Variants in SCHIP1 observed in about 807,000 individuals in gnomAD.
The protein encoded by SCHIP1 is schwannomin interacting protein 1.
A neutral mutation model predicts 29.7 loss-of-function variants in SCHIP1; 8 were observed. The observed-to-expected ratio is 0.27, with a 90% CI of 0.16 to 0.49. The LOEUF (loss-of-function observed/expected upper bound fraction) is 0.49. Ranked by LOEUF, SCHIP1 falls within the 20% of genes least tolerant of loss-of-function variation. The pLI is 0.99. For missense variants in SCHIP1, 193 were observed against 294.6 expected, an observed-to-expected ratio of 0.66 and a Z score of 2.52; for synonymous variants, 76 against 94.9, an observed-to-expected ratio of 0.80 and a Z score of 1.16.
chr3:159,505,273 C>T, the SCHIP1 span, among the ~76,000 whole-genome samples: 587 of 152,132 alleles, frequency 3.9e-3, 3 homozygotes, highest in African/African-American at 0.013. Context: ...TATCTATCTA[C>T]CAAAATTAAT....
the SCHIP1 span, among the ~76,000 whole-genome samples, chr3:159,442,196 C>A: frequency 6.6e-6 from 1 of 152,140 alleles, no homozygotes. Flanking sequence ...AAGAAACAGA[C>A]TCTAGGTTGA....
the SCHIP1 span, among the ~76,000 whole-genome samples, chr3:159,701,253 G>A: frequency 1.3e-5 from 2 of 152,198 alleles, no homozygotes; most frequent in African/African-American, 4.8e-5. Flanking sequence ...CATTATGAGT[G>A]TATGTGCATC....
At chr3:159,326,225 T>C in the SCHIP1 span, among the ~76,000 whole-genome samples, 1 of 152,166 alleles carries the variant, frequency 6.6e-6, no homozygotes, top group Non-Finnish European at 1.5e-5. Flanking sequence ...CCATTCCTTC[T>C]TGTGAAAATG....
the SCHIP1 span, among the ~76,000 whole-genome samples, chr3:159,734,025 A>T: frequency 6.6e-6 from 1 of 152,164 alleles, no homozygotes; most frequent in Non-Finnish European, 1.5e-5. Context: ...TCCAGAAAGC[A>T]GTGTCAAATA....
chr3:159,821,196 T>C, the SCHIP1 span, among the ~76,000 whole-genome samples: 2 of 152,062 alleles, frequency 1.3e-5, no homozygotes, highest in Non-Finnish European at 1.5e-5. Context: ...TTTAGGATGG[T>C]GTAGCATGGT....
At chr3:159,324,584 A>G in the SCHIP1 span, among the ~76,000 whole-genome samples, 3 of 152,142 alleles carry the variant, frequency 2.0e-5, no homozygotes, top group Non-Finnish European at 4.4e-5. Context: ...TATTGATAAC[A>G]GAGTAAGTCT....
chr3:159,298,266 C>A, the SCHIP1 span, among the ~76,000 whole-genome samples: 63 of 152,170 alleles, frequency 4.1e-4, no homozygotes, highest in African/African-American at 1.5e-3. Context: ...CCAGAAGATT[C>A]CTGCCTTTGC....
the SCHIP1 span, among the ~76,000 whole-genome samples, chr3:159,485,369 T>C: frequency 1.3e-5 from 2 of 152,166 alleles, no homozygotes; most frequent in South Asian, 4.1e-4. Context: ...AGTACCAGGC[T>C]TATTAAGTAA....
the SCHIP1 span, among the ~76,000 whole-genome samples, chr3:159,743,586 T>C: frequency 6.6e-6 from 1 of 152,336 alleles, no homozygotes; most frequent in African/African-American, 2.4e-5. Flanking sequence ...TAAAATTGAA[T>C]TTCCTTTTAT....
the SCHIP1 span, among the ~76,000 whole-genome samples, chr3:159,668,625 A>C: frequency 2.7e-3 from 417 of 152,252 alleles, 1 homozygote; most frequent in African/African-American, 9.0e-3. Flanking sequence ...GACCTGGCAC[A>C]CTGGGCCTCT....
At chr3:159,589,425 C>G in the SCHIP1 span, among the ~76,000 whole-genome samples, 596 of 152,240 alleles carry the variant, frequency 3.9e-3, 5 homozygotes, top group African/African-American at 0.014. Flanking sequence ...AATTTGACTT[C>G]CTCTTTTCCT....
At chr3:159,857,183 T>C (rs972084814) in intron 1 of SCHIP1, among the ~76,000 whole-genome samples, 1 of 152,178 alleles carries the variant, frequency 6.6e-6, no homozygotes, top group African/African-American at 2.4e-5. Flanking sequence ...TATCACCCCA[T>C]TGGCACACCT....
the SCHIP1 span, among the ~76,000 whole-genome samples, chr3:159,729,405 G>T: frequency 3.9e-5 from 6 of 152,068 alleles, no homozygotes; most frequent in African/African-American, 1.4e-4. Context: ...ACAATGAAAA[G>T]GATGAGCCAA....
the SCHIP1 span, among the ~76,000 whole-genome samples, chr3:159,713,286 AAAAAGAAAAG>A: frequency 6.6e-6 from 1 of 151,110 alleles, no homozygotes; most frequent in Non-Finnish European, 1.5e-5. Context: ...GAAAGAAAGA[AAAAAGAAAAG>A]AAAGAAAGAA....
the SCHIP1 span, chr3:159,273,565 A>G: frequency 8.0e-7 from 1 of 1,248,172 alleles, no homozygotes. Flanking sequence ...AAAAATCAGC[A>G]AACTTCATCT....
At chr3:159,365,210 G>A in the SCHIP1 span, among the ~76,000 whole-genome samples, 12 of 152,156 alleles carry the variant, frequency 7.9e-5, no homozygotes, top group African/African-American at 2.9e-4. Flanking sequence ...ATGAAGTATA[G>A]TAATATAGGC....
At chr3:159,472,133 A>G in the SCHIP1 span, among the ~76,000 whole-genome samples, 1 of 152,188 alleles carries the variant, frequency 6.6e-6, no homozygotes, top group Non-Finnish European at 1.5e-5. Context: ...TACTATTTTA[A>G]TTATACAAAC....
the SCHIP1 span, among the ~76,000 whole-genome samples, chr3:159,795,168 A>C: frequency 7.9e-5 from 12 of 152,228 alleles, no homozygotes; most frequent in African/African-American, 2.4e-4. Context: ...TCTTCTGCTA[A>C]ACACGGTCTG....
the SCHIP1 span, among the ~76,000 whole-genome samples, chr3:159,639,239 C>T: frequency 6.6e-6 from 1 of 152,058 alleles, no homozygotes; most frequent in Admixed American, 6.6e-5. Flanking sequence ...CAAAATCTCA[C>T]CCTTAGTCCT....
Sources: allele counts gnomAD v4.1 joint callset (sites outside exome capture counted in the v4.1 genomes callset), GRCh38; gene constraint gnomAD v4.1.1; transcripts MANE v1.5; gene names NCBI Gene and HGNC (gene_info 2026-07-23, HGNC 2026-07-21).